Variants in GYG1 observed in about 807,000 individuals in gnomAD.
GYG1 encodes glycogenin 1.
In GYG1, 44 loss-of-function variants were observed where a neutral mutation model predicts 41.9. The observed-to-expected ratio is 1.05, with a 90% CI of 0.83 to 1.35. GYG1 has a LOEUF of 1.35. GYG1 is among the 40% of genes most tolerant of loss of function. GYG1 has a pLI of 0.00. For synonymous variants in GYG1, 141 were observed against 158.1 expected (o/e 0.89, Z 0.81); for missense variants, 429 against 418.9 (o/e 1.02, Z -0.21).
chr3:148,998,502 C>T (rs529901097), intron 4 of GYG1, among the ~76,000 whole-genome samples: 5 of 152,286 alleles, frequency 3.3e-5, no homozygotes, highest in South Asian at 2.1e-4. Context: ...GCTGAGGTTG[C>T]GAAACTCTGC....
chr3:149,020,861 T>C (rs1714330152), intron 5 of GYG1, among the ~76,000 whole-genome samples: 1 of 152,018 alleles, frequency 6.6e-6, no homozygotes, highest in South Asian at 2.1e-4. Flanking sequence ...GGAAGTTGAG[T>C]CAGGAGGGGT....
At chr3:149,002,825 A>G (rs1463365298) in intron 4 of GYG1, among the ~76,000 whole-genome samples, 1 of 152,210 alleles carries the variant, frequency 6.6e-6, no homozygotes. Flanking sequence ...GTTCCAGACC[A>G]GCCTGGCCAA....
chr3:149,022,194 GTT>G (rs1714407015), intron 5 of GYG1, among the ~76,000 whole-genome samples: 2 of 152,074 alleles, frequency 1.3e-5, no homozygotes. Flanking sequence ...TTCACGTTTG[GTT>G]TTTGTTTTTA....
chr3:148,998,910 T>C (rs1712951797), intron 4 of GYG1, among the ~76,000 whole-genome samples: 1 of 152,204 alleles, frequency 6.6e-6, no homozygotes, highest in Non-Finnish European at 1.5e-5. Flanking sequence ...CTGCCAGAAA[T>C]TCGGTGTAAC....
chr3:149,008,744 T>C (rs1014947922), intron 4 of GYG1: 1 of 158,998 alleles, frequency 6.3e-6, no homozygotes, highest in African/African-American at 2.4e-5. Flanking sequence ...GACTCTGCAA[T>C]GCCTAGTACA....
rs752476168 is a variant in GYG1, at chr3:149,027,545, A to G, written c.*612A>G. ...GCAGCATGCTAAAATGCTTTTGTTCAGTTCTGTATATTTGAAAATAGCAGT... is the reference window on the plus strand; with the variant it reads ...GCAGCATGCTAAAATGCTTTTGTTCGGTTCTGTATATTTGAAAATAGCAGT... On this transcript the variant is annotated 3_prime_UTR_variant, in exon 8 of 8. Coordinates refer to ENST00000345003, the MANE Select transcript of GYG1 (RefSeq NM_004130.4). 3 of 153,642 alleles carry G rather than the reference A, an allele frequency of 2.0e-5. No individual in the cohort carries two copies. Among genetic ancestry groups the G allele is most frequent in the African/African-American group, 7.2e-5 (3 of 41,460 alleles). The allele number at this position is 153,642 out of a possible 1,614,324, so 9.5% of individuals were successfully genotyped here.
At chr3:149,017,770 GTTTT>G in intron 5 of GYG1, among the ~76,000 whole-genome samples, 1 of 132,122 alleles carries the variant, frequency 7.6e-6, no homozygotes, top group African/African-American at 2.7e-5. Flanking sequence ...TGCCCAGCTA[GTTTT>G]TTTTTTTTTT....
chr3:149,015,538 A>T (rs1164396217), intron 5 of GYG1, among the ~76,000 whole-genome samples: 2 of 152,226 alleles, frequency 1.3e-5, no homozygotes, highest in Non-Finnish European at 2.9e-5. Flanking sequence ...GGAAGGAGTG[A>T]TCTGTGTCTG....
At position 149,028,632 on chromosome 3, in the gene GYG1, C is replaced by T. The variant is rs1427969374; in HGVS notation, c.*1699C>T. On this transcript the variant is annotated 3_prime_UTR_variant, in exon 8 of 8. Coordinates refer to ENST00000345003, the MANE Select transcript of GYG1 (RefSeq NM_004130.4). ...ATTCAACGTTAATTTTTTCTATTTA[C>T]TACCGTTCATTCTCTATTTTTTACA... 2.6e-5 allele frequency among the ~76,000 whole-genome samples: 4 copies of T among 151,916 alleles called. No individual in the cohort carries two copies. Among genetic ancestry groups the T allele is most frequent in the Non-Finnish European group, 5.9e-5 (4 of 67,996 alleles).
At position 149,024,160 on chromosome 3, in the gene GYG1, A is replaced by G. The variant is rs759134229; in HGVS notation, c.716A>G (p.Asn239Ser). The change falls in exon 6 of 8, where the codon AAC becomes AGC. Residue 239 changes from asparagine to serine, a missense_variant. By Grantham distance (46) the Asn-to-Ser change is conservative. Transcript: ENST00000345003. ...GTCAAAAGTGAGGCCCATGATCCCA[A>G]CATGACTCATCCAGAGTTTCTCATC... is the stretch of plus-strand genomic sequence containing the variant. ...KSVKSEAHDP[N>S]MTHPEFLILW... 3 of 1,613,382 alleles carry G rather than the reference A, an allele frequency of 1.9e-6. No individual in the cohort carries two copies. The highest frequency in any genetic ancestry group is 1.7e-6 in the Non-Finnish European group (2 of 1,179,300).
Position 149,009,330 on chromosome 3 carries a change from T to G in GYG1, c.536T>G (p.Ile179Ser). ...TFFSSWATTD[I>S]RKHLPFIYNL... ...TTTAGCAGCTGGGCAACAACAGATA[T>G]CAGAAAACACCTGCCGTTTATTTAT... Residue 179 changes from isoleucine (I) to serine (S), a missense_variant, in exon 5 of 8, where the codon ATC becomes AGC. By Grantham distance (142) the Ile-to-Ser change is moderately radical. Transcript: ENST00000345003. 6.2e-7 allele frequency: 1 copy of G among 1,613,004 alleles called. No individual in the cohort carries two copies. The highest frequency in any genetic ancestry group is 1.7e-4 in the Middle Eastern group (1 of 6,060).
intron 2 of GYG1, among the ~76,000 whole-genome samples, chr3:148,994,762 C>CAATAT (rs1269189453): frequency 6.4e-4 from 97 of 152,284 alleles, no homozygotes; most frequent in African/African-American, 2.3e-3. Flanking sequence ...TCTTTATTTA[C>CAATAT]AATATAATAC....
At chr3:148,996,937 T>G (rs531042509) in intron 4 of GYG1, 33 bp downstream of exon 4, 5 of 1,536,572 alleles carry the variant, frequency 3.3e-6, no homozygotes, top group African/African-American at 2.7e-5. Flanking sequence ...TCTGATAAGC[T>G]GTTAATAGTA....
intron 5 of GYG1, among the ~76,000 whole-genome samples, chr3:149,018,653 G>A (rs183367669): frequency 1.2e-3 from 180 of 152,156 alleles, no homozygotes; most frequent in African/African-American, 3.9e-3. Context: ...TAAACCTTCC[G>A]TGTTCAGTGA....
chr3:149,013,565 G>A (rs1713857386), intron 5 of GYG1, among the ~76,000 whole-genome samples: 1 of 152,132 alleles, frequency 6.6e-6, no homozygotes, highest in South Asian at 2.1e-4. Context: ...GTTTAGATAT[G>A]ACTAGAGACC....
At chr3:149,001,282 G>A (rs1713082439) in intron 4 of GYG1, 2 of 152,174 alleles carry the variant, frequency 1.3e-5, no homozygotes, top group South Asian at 4.1e-4. Context: ...GGAAATGACT[G>A]TGTTCTCTTG....
intron 2 of GYG1, among the ~76,000 whole-genome samples, chr3:148,995,670 T>A (rs2107886247): frequency 6.6e-6 from 1 of 152,372 alleles, no homozygotes; most frequent in East Asian, 1.9e-4. Context: ...CATATTTTTG[T>A]ACAGCTTTGG....
rs1038384181 is a variant in GYG1, at chr3:149,001,388, G to GT, written c.481+4491dup. 5 of 152,282 alleles carry GT rather than the reference G, an allele frequency of 3.3e-5. No individual in the cohort carries two copies. In the South Asian group the frequency reaches 6.2e-4, roughly 19 times the overall value. The allele number at this position is 152,282 out of a possible 1,614,324, so 9.4% of individuals were successfully genotyped here. On this transcript the variant is annotated intron_variant, in intron 4 of 7. Transcript: ENST00000345003. ...TGGCAAAATTAATGAGCACACGTAA[G>GT]TTTTTTTAAGAGCTATTGTTATGTC...
chr3:149,024,313 T>G, intron 6 of GYG1, 41 bp downstream of exon 6: 1 of 1,204,266 alleles, frequency 8.3e-7, no homozygotes, highest in East Asian at 2.3e-5. Flanking sequence ...TAATGCTGCT[T>G]TTTAAAAAAA....
Sources: gnomAD v4.1 joint callset for allele counts (sites outside exome capture counted in the v4.1 genomes callset) on GRCh38, gnomAD v4.1.1 for gene constraint, MANE v1.5 for transcripts, NCBI Gene and HGNC (gene_info 2026-07-23, HGNC 2026-07-21) for gene names.